PPP2R2C: variants seen among roughly 807,000 people sequenced by gnomAD.
PPP2R2C encodes protein phosphatase 2 regulatory subunit Bgamma.
PPP2R2C carries 10 observed loss-of-function variants against 45.3 expected under a neutral mutation model. The ratio of observed to expected loss-of-function variants is 0.22; its 90% CI spans 0.14 to 0.37. The LOEUF is 0.37. Among genes scored for constraint, PPP2R2C ranks in the 10% least tolerant of loss-of-function variants. The probability of loss-of-function intolerance (pLI) is 1.00; values close to 1 mark genes in which losing one functional copy is unlikely to be tolerated. For synonymous variants in PPP2R2C, 257 were observed against 245.4 expected, an observed-to-expected ratio of 1.05 and a Z score of -0.44; for missense variants, 308 against 619.7, an observed-to-expected ratio of 0.50 and a Z score of 5.34.
At chr4:6,351,459 G>T in intron 5 of PPP2R2C, 1 of 642,436 alleles carries the variant, frequency 1.6e-6, no homozygotes, top group Non-Finnish European at 1.9e-6. Context: ...CCCATGTATA[G>T]GCTGGGGACA....
chr4:6,511,663 G>T (rs1339261205), intron 2 of PPP2R2C, among the ~76,000 whole-genome samples: 1 of 25,462 alleles, frequency 3.9e-5, no homozygotes, highest in African/African-American at 1.3e-4. Context: ...GATGGTGGTG[G>T]TGATGGTGGT....
chr4:6,539,423 C>T (rs1396549123), intron 1 of PPP2R2C, among the ~76,000 whole-genome samples: 1 of 152,220 alleles, frequency 6.6e-6, no homozygotes, highest in African/African-American at 2.4e-5. Flanking sequence ...AGTCTGTGGA[C>T]TTTGCTCTGG....
intron 1 of PPP2R2C, among the ~76,000 whole-genome samples, chr4:6,389,975 A>G (rs1340386022): frequency 6.6e-6 from 1 of 152,118 alleles, no homozygotes; most frequent in Non-Finnish European, 1.5e-5. Context: ...TGAAGGAGAA[A>G]GCAGGTGCTG....
At chr4:6,511,798 ATGGTGGTGTTGGTGG>A (rs1723552047) in intron 2 of PPP2R2C, among the ~76,000 whole-genome samples, 1 of 5,786 alleles carries the variant, frequency 1.7e-4, no homozygotes, top group Non-Finnish European at 4.2e-4. Flanking sequence ...GGTGATGGTG[ATGGTGGTGTTGGTGG>A]TGGTGATGGT....
At chr4:6,545,276 T>A (rs556061193) in intron 1 of PPP2R2C, among the ~76,000 whole-genome samples, 1 of 152,236 alleles carries the variant, frequency 6.6e-6, no homozygotes, top group Admixed American at 6.5e-5. Flanking sequence ...ACAAAATGAC[T>A]GAAATCGTGT....
chr4:6,542,420 C>T (rs1290699432), intron 1 of PPP2R2C, among the ~76,000 whole-genome samples: 1 of 152,182 alleles, frequency 6.6e-6, no homozygotes, highest in Non-Finnish European at 1.5e-5. Context: ...AATGGTTGGG[C>T]GCGGTGGCTC....
At chr4:6,510,836 G>T (rs138901482) in intron 2 of PPP2R2C, among the ~76,000 whole-genome samples, 5 of 152,058 alleles carry the variant, frequency 3.3e-5, no homozygotes, top group Admixed American at 6.6e-5. Context: ...AATTAGCCAG[G>T]CATGGTGGCA....
At chr4:6,388,943 G>T (rs73206139) in intron 1 of PPP2R2C, among the ~76,000 whole-genome samples, 21,208 of 152,170 alleles carry the variant, frequency 0.14, 1,638 homozygotes, top group Middle Eastern at 0.19. Context: ...CAGCCCCCGA[G>T]AACTGGGCTA....
chr4:6,451,143 C>G (rs1472481286), intron 1 of PPP2R2C, among the ~76,000 whole-genome samples: 3 of 152,196 alleles, frequency 2.0e-5, no homozygotes, highest in Admixed American at 6.5e-5. Context: ...CATCACTGAC[C>G]ACATGTCCAT....
At chr4:6,408,853 G>A (rs1717972578) in intron 1 of PPP2R2C, among the ~76,000 whole-genome samples, 1 of 146,878 alleles carries the variant, frequency 6.8e-6, no homozygotes, top group South Asian at 2.3e-4. Context: ...GTCTCAGAGG[G>A]CCTCTCAAGG....
intron 1 of PPP2R2C, among the ~76,000 whole-genome samples, chr4:6,398,461 C>A (rs948691124): frequency 2.0e-5 from 3 of 152,002 alleles, no homozygotes; most frequent in Non-Finnish European, 4.4e-5. Flanking sequence ...AGACACTTCC[C>A]AAACCAAAAT....
chr4:6,426,427 T>G (rs1278283373), intron 1 of PPP2R2C, among the ~76,000 whole-genome samples: 1 of 152,174 alleles, frequency 6.6e-6, no homozygotes, highest in African/African-American at 2.4e-5. Context: ...GGAGAGAAAC[T>G]TGCCCTCCTG....
chr4:6,459,891 C>T (rs1721239920), intron 1 of PPP2R2C, among the ~76,000 whole-genome samples: 1 of 152,070 alleles, frequency 6.6e-6, no homozygotes, highest in African/African-American at 2.4e-5. Context: ...GTTGTTAGTA[C>T]CAAGTTTGGT....
chr4:6,497,453 G>A (rs1722915803), intron 2 of PPP2R2C, among the ~76,000 whole-genome samples: 1 of 151,904 alleles, frequency 6.6e-6, no homozygotes, highest in Non-Finnish European at 1.5e-5. Flanking sequence ...GGTGCTGGGA[G>A]ATTGTTTTCC....
At chr4:6,385,641 C>G (rs546043035) in intron 1 of PPP2R2C, among the ~76,000 whole-genome samples, 1 of 152,204 alleles carries the variant, frequency 6.6e-6, no homozygotes, top group South Asian at 2.1e-4. Context: ...GCAATCTTGG[C>G]CCACTGCAAC....
intron 1 of PPP2R2C, among the ~76,000 whole-genome samples, chr4:6,408,738 G>A (rs765984184): frequency 3.9e-5 from 6 of 152,118 alleles, no homozygotes; most frequent in Admixed American, 6.5e-5. Flanking sequence ...GGTGATCTGC[G>A]GGGCACCCTG....
intron 2 of PPP2R2C, among the ~76,000 whole-genome samples, chr4:6,504,866 A>T (rs1723170156): frequency 1.3e-5 from 2 of 152,174 alleles, no homozygotes; most frequent in South Asian, 4.1e-4. Context: ...TGACAAAAGA[A>T]CGAGGCACAA....
At chr4:6,436,501 T>A (rs1719902357) in intron 1 of PPP2R2C, among the ~76,000 whole-genome samples, 1 of 152,264 alleles carries the variant, frequency 6.6e-6, no homozygotes, top group Admixed American at 6.5e-5. Context: ...TTTCCATTTG[T>A]TCCATTTGTT....
At chr4:6,410,554 T>C (rs1372379530) in intron 1 of PPP2R2C, among the ~76,000 whole-genome samples, 1 of 152,046 alleles carries the variant, frequency 6.6e-6, no homozygotes, top group African/African-American at 2.4e-5. Context: ...GCACGCCAGG[T>C]GGTAGGTACT....
Sources: allele counts gnomAD v4.1 joint callset (sites outside exome capture counted in the v4.1 genomes callset), GRCh38; gene constraint gnomAD v4.1.1; transcripts MANE v1.5; gene names NCBI Gene and HGNC (gene_info 2026-07-23, HGNC 2026-07-21).